The following SAMD5 variants were observed in gnomAD, a reference collection of about 807,000 sequenced individuals.
SAMD5 encodes sterile alpha motif domain-containing protein 5.
SAMD5 carries 13 observed loss-of-function variants against 11.3 expected under a neutral mutation model. The observed-to-expected ratio is 1.15, with a 90% CI of 0.75 to 1.83. The LOEUF (loss-of-function observed/expected upper bound fraction) is 1.83. Ranked by LOEUF, SAMD5 falls within the 40% of genes most tolerant of loss-of-function variation. SAMD5 has a pLI of 0.00. For synonymous variants in SAMD5, 129 were observed against 111.3 expected (o/e 1.16, Z -1.00); for missense variants, 255 against 239.1 (o/e 1.07, Z -0.44).
the SAMD5 span, among the ~76,000 whole-genome samples, chr6:147,929,219 A>G: frequency 5.5e-4 from 84 of 152,152 alleles, no homozygotes; most frequent in African/African-American, 1.9e-3. Context: ...TCCCAAACCT[A>G]AACTGGTGTC....
At chr6:147,880,678 G>A in the SAMD5 span, among the ~76,000 whole-genome samples, 2 of 152,124 alleles carry the variant, frequency 1.3e-5, no homozygotes, top group African/African-American at 4.8e-5. Flanking sequence ...GCTCGTGGGT[G>A]GTTTTAATGT....
chr6:147,527,599 A>G (rs1490733761), intron 1 of SAMD5, among the ~76,000 whole-genome samples: 4 of 152,208 alleles, frequency 2.6e-5, no homozygotes, highest in South Asian at 2.1e-4. Context: ...CCCAAATCTC[A>G]TGTCCTTCTC....
chr6:147,843,211 T>C, the SAMD5 span, among the ~76,000 whole-genome samples: 495 of 152,328 alleles, frequency 3.2e-3, 4 homozygotes, highest in African/African-American at 0.011. Flanking sequence ...TTAAATGAAG[T>C]TGATTTCAAG....
At chr6:147,750,902 C>T in the SAMD5 span, among the ~76,000 whole-genome samples, 1 of 152,164 alleles carries the variant, frequency 6.6e-6, no homozygotes, top group Non-Finnish European at 1.5e-5. Flanking sequence ...AGCCTGGTGA[C>T]ATTGCAAGAC....
At chr6:147,825,047 C>T in the SAMD5 span, among the ~76,000 whole-genome samples, 1 of 152,188 alleles carries the variant, frequency 6.6e-6, no homozygotes, top group African/African-American at 2.4e-5. Context: ...GTAGTCCCAG[C>T]ACTTTGGGAG....
the SAMD5 span, among the ~76,000 whole-genome samples, chr6:147,903,689 C>A: frequency 6.6e-6 from 1 of 152,106 alleles, no homozygotes; most frequent in Non-Finnish European, 1.5e-5. Context: ...GTGGGTGGAT[C>A]ACAAGGTCAG....
intron 1 of SAMD5, among the ~76,000 whole-genome samples, chr6:147,596,313 T>C (rs940163838): frequency 1.1e-4 from 16 of 152,316 alleles, no homozygotes; most frequent in African/African-American, 3.8e-4. Context: ...CTTCAGTGCC[T>C]TCGATACTGT....
chr6:147,839,105 T>G, the SAMD5 span, among the ~76,000 whole-genome samples: 1 of 152,222 alleles, frequency 6.6e-6, no homozygotes, highest in Non-Finnish European at 1.5e-5. Flanking sequence ...CTTCCACCTA[T>G]GAACCCTTTC....
intron 1 of SAMD5, among the ~76,000 whole-genome samples, chr6:147,576,460 T>C (rs1303877942): frequency 6.6e-6 from 1 of 152,154 alleles, no homozygotes; most frequent in African/African-American, 2.4e-5. Flanking sequence ...AGTTTTAAGA[T>C]GTTTTCAGGA....
chr6:147,910,354 G>T, the SAMD5 span, among the ~76,000 whole-genome samples: 18 of 152,278 alleles, frequency 1.2e-4, no homozygotes, highest in South Asian at 8.3e-4. Context: ...TTGCAAAGGG[G>T]TTGGCAAGAG....
intron 1 of SAMD5, among the ~76,000 whole-genome samples, chr6:147,528,655 T>C (rs571568468): frequency 3.3e-5 from 5 of 152,202 alleles, no homozygotes; most frequent in African/African-American, 1.2e-4. Context: ...TAGAAAGTTA[T>C]GTTGTCAGTG....
the SAMD5 span, among the ~76,000 whole-genome samples, chr6:147,755,854 G>A: frequency 6.6e-6 from 1 of 151,846 alleles, no homozygotes; most frequent in Non-Finnish European, 1.5e-5. Flanking sequence ...TATAAATAAA[G>A]ACTTTTAATT....
At position 147,566,556 on chromosome 6, in the gene SAMD5, G is replaced by GA; in HGVS notation, c.*2105dup. ...CCTTATGAGGCAATCTACTGCAATGGAAAAAGGGTTCCTTGGTCATTTCAA... is the reference window on the plus strand; with the variant it reads ...CCTTATGAGGCAATCTACTGCAATGGAAAAAAGGGTTCCTTGGTCATTTCAA... On this transcript the variant is annotated 3_prime_UTR_variant, in exon 2 of 2. Transcript: ENST00000367474. 1.0e-6 allele frequency: 1 copy of GA among 984,190 alleles called. No homozygotes were observed. The highest frequency in any genetic ancestry group is 1.2e-6 in the Non-Finnish European group (1 of 828,508). 61.0% of individuals were successfully genotyped at this position (984,190 alleles called of 1,614,324 possible).
chr6:147,537,007 T>C (rs1036059321), intron 1 of SAMD5, among the ~76,000 whole-genome samples: 2 of 152,130 alleles, frequency 1.3e-5, no homozygotes, highest in African/African-American at 4.8e-5. Flanking sequence ...TGTCTGTGGA[T>C]GACAGAAACA....
At chr6:147,594,975 C>T (rs11963682) in intron 1 of SAMD5, among the ~76,000 whole-genome samples, 14,738 of 152,242 alleles carry the variant, frequency 0.097, 806 homozygotes, top group Middle Eastern at 0.16. Flanking sequence ...TAGTACATCC[C>T]TTTTCTAACC....
intron 1 of SAMD5, among the ~76,000 whole-genome samples, chr6:147,554,190 C>T (rs1788815583): frequency 6.6e-6 from 1 of 152,154 alleles, no homozygotes; most frequent in Non-Finnish European, 1.5e-5. Flanking sequence ...CCTGCAGGAA[C>T]TCACTATCAT....
chr6:147,736,266 C>A (rs1375032954), intron 1 of SAMD5, among the ~76,000 whole-genome samples: 10 of 152,100 alleles, frequency 6.6e-5, no homozygotes, highest in Admixed American at 6.5e-4. Flanking sequence ...CGATGCCTGC[C>A]ACATAGTATG....
chr6:147,794,901 C>T, the SAMD5 span, among the ~76,000 whole-genome samples: 1 of 151,424 alleles, frequency 6.6e-6, no homozygotes, highest in South Asian at 2.2e-4. Context: ...GGAAGATGAA[C>T]AGTTAGAGAT....
At chr6:147,632,727 T>C (rs1377534143) in intron 1 of SAMD5, among the ~76,000 whole-genome samples, 1 of 152,242 alleles carries the variant, frequency 6.6e-6, no homozygotes, top group East Asian at 1.9e-4. Flanking sequence ...TAAAAGTTTA[T>C]GTAAATGTCT....
Sources: allele counts gnomAD v4.1 joint callset (sites outside exome capture counted in the v4.1 genomes callset), GRCh38; gene constraint gnomAD v4.1.1; transcripts MANE v1.5; gene names NCBI Gene and HGNC (gene_info 2026-07-23, HGNC 2026-07-21).